Variants in VPS13C observed in about 807,000 individuals in gnomAD.
VPS13C encodes the protein intermembrane lipid transfer protein VPS13C.
In VPS13C, 358 loss-of-function variants were observed where a neutral mutation model predicts 456.8. The observed-to-expected ratio is 0.78, with a 90% CI of 0.72 to 0.86. The LOEUF is 0.86. Ranked by LOEUF, VPS13C falls within the 40% of genes least tolerant of loss-of-function variation. VPS13C has a pLI of 0.00. For missense variants in VPS13C, 4,818 were observed against 4,385.4 expected, an observed-to-expected ratio of 1.10 and a Z score of -2.79; for synonymous variants, 1,578 against 1,486.7, an observed-to-expected ratio of 1.06 and a Z score of -1.41.
chr15:61,895,903 G>A (rs2042795000), intron 66 of VPS13C, among the ~76,000 whole-genome samples: 1 of 152,038 alleles, frequency 6.6e-6, no homozygotes, highest in Non-Finnish European at 1.5e-5. Context: ...AGCATTATAG[G>A]ATGACTACAG....
intron 55 of VPS13C, 87 bp downstream of exon 55, chr15:61,921,860 A>G: frequency 7.2e-7 from 1 of 1,383,136 alleles, no homozygotes; most frequent in South Asian, 1.2e-5. Context: ...AGGATCCTAG[A>G]CCACATCTTA....
intron 1 of VPS13C, among the ~76,000 whole-genome samples, chr15:62,048,974 T>C (rs1393279291): frequency 6.6e-6 from 1 of 150,826 alleles, no homozygotes; most frequent in African/African-American, 2.4e-5. Flanking sequence ...TGTAAATTTG[T>C]TTGAGTTCAT....
At chr15:61,956,286 G>A (rs986080461) in intron 37 of VPS13C, among the ~76,000 whole-genome samples, 1 of 151,420 alleles carries the variant, frequency 6.6e-6, no homozygotes, top group African/African-American at 2.4e-5. Context: ...AAGTACACAT[G>A]GACACAAAGA....
In VPS13C at chr15:61,852,829, G is replaced by A. The variant is rs1034580006; in HGVS notation, c.*1628C>T. 20 of 152,228 alleles carry A rather than the reference G, an allele frequency of 1.3e-4. No individual in the cohort carries two copies. The highest frequency in any genetic ancestry group is 1.1e-3 in the Admixed American group (17 of 15,292). 9.4% of individuals were successfully genotyped at this position (152,228 alleles called of 1,614,324 possible). On this transcript the variant is annotated 3_prime_UTR_variant, in exon 85 of 85. Coordinates refer to ENST00000644861, the MANE Select transcript of VPS13C (RefSeq NM_020821.3). ...TCAAACATTTAGGGCATTAGTTACTGCATTCTCTTTTTAGAATATACATTA... is the reference window on the plus strand; with the variant it reads ...TCAAACATTTAGGGCATTAGTTACTACATTCTCTTTTTAGAATATACATTA...
Position 62,007,303 on chromosome 15 carries a change from T to C in VPS13C, c.1290+5A>G. 6.2e-7 allele frequency: 1 copy of C among 1,600,940 alleles called. No individual in the cohort carries two copies. Among genetic ancestry groups the C allele is most frequent in the Non-Finnish European group, 8.5e-7 (1 of 1,173,612 alleles). ...ATAGCTCTCACTAATATATGCAAGA[T>C]ATACCTGAATTTCTTTCTGTATTTC... is the stretch of plus-strand genomic sequence containing the variant. On this transcript the variant is annotated splice_donor_5th_base_variant and intron_variant, in intron 15 of 84. Coordinates refer to ENST00000644861, the MANE Select transcript of VPS13C (RefSeq NM_020821.3).
chr15:61,901,862 C>T (rs931237142), intron 66 of VPS13C, among the ~76,000 whole-genome samples: 1 of 152,034 alleles, frequency 6.6e-6, no homozygotes, highest in Non-Finnish European at 1.5e-5. Context: ...GGAACCAACC[C>T]AAATGTCCAA....
At chr15:61,990,865 T>C in intron 18 of VPS13C, 135 bp downstream of exon 18, 1 of 633,688 alleles carries the variant, frequency 1.6e-6, no homozygotes, top group Non-Finnish European at 2.7e-6. Flanking sequence ...AAAACCTGAC[T>C]GAAACATTCA....
intron 28 of VPS13C, among the ~76,000 whole-genome samples, chr15:61,968,912 G>T (rs2045463069): frequency 2.0e-5 from 3 of 151,978 alleles, no homozygotes; most frequent in African/African-American, 7.2e-5. Flanking sequence ...TTTAGCCTTT[G>T]TTTATAAAAC....
chr15:61,869,412 A>G (rs1894847958), intron 80 of VPS13C, 88 bp downstream of exon 80: 5 of 1,427,486 alleles, frequency 3.5e-6, no homozygotes, highest in Non-Finnish European at 4.8e-6. Flanking sequence ...GATCCTTAGG[A>G]GCAGGCAAAT....
chr15:62,008,960 T>C (rs960731467), intron 13 of VPS13C, among the ~76,000 whole-genome samples, 199 bp from the exon 14 acceptor site: 1 of 152,164 alleles, frequency 6.6e-6, no homozygotes, highest in Non-Finnish European at 1.5e-5. Context: ...TTTAAGACAC[T>C]ATCAATTTTA....
chr15:62,044,146 T>C (rs1256223919), intron 2 of VPS13C, 66 bp downstream of exon 2: 1 of 1,142,870 alleles, frequency 8.7e-7, no homozygotes, highest in Non-Finnish European at 1.3e-6. Flanking sequence ...AGATGCCTAG[T>C]AGGCAAAGGT....
In VPS13C at chr15:62,003,317, G is replaced by A. The variant is rs529113205; in HGVS notation, c.1291-2691C>T. ...GAATTCACTCATGATTTGGCTCTCC[G>A]TTTGTCTATTATTGGTGTATAAGAA... On this transcript the variant is annotated intron_variant, in intron 15 of 84. Coordinates refer to ENST00000644861, the MANE Select transcript of VPS13C (RefSeq NM_020821.3). Among the ~76,000 whole-genome samples, 1,086 of 150,940 alleles carry A rather than the reference G, an allele frequency of 7.2e-3. 17 individuals carry two copies. The highest frequency in any genetic ancestry group is 0.024 in the African/African-American group (958 of 40,480).
intron 31 of VPS13C, 94 bp from the exon 32 acceptor site, chr15:61,964,045 T>A: frequency 1.5e-6 from 1 of 683,160 alleles, no homozygotes; most frequent in Non-Finnish European, 2.3e-6. Context: ...ACCACTGTTA[T>A]GTTAAAAAAA....
intron 6 of VPS13C, among the ~76,000 whole-genome samples, 192 bp from the exon 7 acceptor site, chr15:62,024,037 T>C (rs1377485123): frequency 6.6e-6 from 1 of 152,106 alleles, no homozygotes; most frequent in African/African-American, 2.4e-5. Context: ...AATAACCTTC[T>C]ATTGTAAAGA....
intron 4 of VPS13C, among the ~76,000 whole-genome samples, chr15:62,034,269 T>A (rs1165280996): frequency 6.6e-6 from 1 of 151,668 alleles, no homozygotes; most frequent in Non-Finnish European, 1.5e-5. Context: ...GTTGTATATA[T>A]AATGTGGTAA....
intron 43 of VPS13C, 72 bp from the exon 44 acceptor site, chr15:61,946,482 T>A: frequency 9.4e-7 from 1 of 1,064,440 alleles, no homozygotes; most frequent in South Asian, 1.6e-5. Context: ...TTAAGTTCAA[T>A]AATATACTGA....
At chr15:62,052,672 CAAAAA>C (rs35444089) in intron 1 of VPS13C, among the ~76,000 whole-genome samples, 1 of 70,540 alleles carries the variant, frequency 1.4e-5, no homozygotes, top group Non-Finnish European at 2.7e-5. Flanking sequence ...GACTCCGTCT[CAAAAA>C]AAAAAAAAAA....
chr15:61,895,102 G>T lies in VPS13C; in HGVS notation c.9106-4702C>A, dbSNP rs1475675203. On this transcript the variant is annotated intron_variant, in intron 66 of 84. Transcript: ENST00000644861. ...GTATAAAAACACAGAAATTAAATAT[G>T]TTCCTGAACAATAAGTCAATGAAGA... Among the ~76,000 whole-genome samples the T allele has an allele frequency of 2.6e-5, 4 of 151,988 alleles. No homozygotes were observed. In the South Asian group the frequency reaches 8.3e-4, roughly 32 times the overall value.
intron 8 of VPS13C, among the ~76,000 whole-genome samples, chr15:62,021,717 AT>A: frequency 6.6e-6 from 1 of 152,064 alleles, no homozygotes; most frequent in Non-Finnish European, 1.5e-5. Context: ...TTTATAAGTC[AT>A]TTTAATTAAC....
Sources: allele counts gnomAD v4.1 joint callset (sites outside exome capture counted in the v4.1 genomes callset), GRCh38; gene constraint gnomAD v4.1.1; transcripts MANE v1.5; gene names NCBI Gene and HGNC (gene_info 2026-07-23, HGNC 2026-07-21).